Variants in TAFA1 observed in about 807,000 individuals in gnomAD.
TAFA1 encodes the protein TAFA chemokine like family member 1, also known as chemokine-like protein TAFA-1.
TAFA1 carries 4 observed loss-of-function variants against 18.5 expected under a neutral mutation model. The observed-to-expected ratio is 0.22, with a 90% confidence interval of 0.11 to 0.49. The LOEUF is 0.49. TAFA1 is among the 20% of genes least tolerant of loss of function. The pLI, the probability that TAFA1 is intolerant of heterozygous loss-of-function variation, is 0.98. For missense variants in TAFA1, 147 were observed against 169.0 expected (o/e 0.87, Z 0.72); for synonymous variants, 56 against 55.2 (o/e 1.01, Z -0.06).
chr3:68,292,709 T>C (rs1269101224), intron 2 of TAFA1, among the ~76,000 whole-genome samples: 1 of 152,070 alleles, frequency 6.6e-6, no homozygotes, highest in Non-Finnish European at 1.5e-5. Flanking sequence ...TTTGTTTTGT[T>C]TTGTTTTAAC....
At chr3:68,322,618 G>T (rs2068712511) in intron 2 of TAFA1, among the ~76,000 whole-genome samples, 1 of 152,098 alleles carries the variant, frequency 6.6e-6, no homozygotes, top group African/African-American at 2.4e-5. Flanking sequence ...AATTGCCTGA[G>T]CCCAGGAGTT....
chr3:68,309,406 C>T (rs966476373), intron 2 of TAFA1, among the ~76,000 whole-genome samples: 4 of 152,068 alleles, frequency 2.6e-5, no homozygotes, highest in African/African-American at 9.7e-5. Context: ...AGGTATTATA[C>T]CTCTTACCTC....
chr3:68,361,284 A>T (rs1205531294), intron 2 of TAFA1, among the ~76,000 whole-genome samples: 1 of 152,066 alleles, frequency 6.6e-6, no homozygotes, highest in Non-Finnish European at 1.5e-5. Context: ...GGTAGGAGCT[A>T]AAAAAATTGA....
chr3:68,228,141 C>T (rs1303616458), intron 2 of TAFA1, among the ~76,000 whole-genome samples: 1 of 152,182 alleles, frequency 6.6e-6, no homozygotes, highest in Non-Finnish European at 1.5e-5. Context: ...ATTGAGTTAT[C>T]ATGAAGAGTA....
chr3:68,442,681 A>G (rs2071406163), intron 3 of TAFA1, among the ~76,000 whole-genome samples: 1 of 152,170 alleles, frequency 6.6e-6, no homozygotes. Flanking sequence ...TACAAAATGT[A>G]TGGGATGCTT....
intron 2 of TAFA1, among the ~76,000 whole-genome samples, chr3:68,315,502 A>G (rs2068592824): frequency 6.6e-6 from 1 of 152,112 alleles, no homozygotes; most frequent in Admixed American, 6.6e-5. Flanking sequence ...AAGATACATT[A>G]CTCGGTTCAC....
In TAFA1 at chr3:68,417,300, A is replaced by G. The variant is rs373497264; in HGVS notation, c.139A>G (p.Ile47Val). 5.0e-6 allele frequency: 8 copies of G among 1,613,202 alleles called. No homozygotes were observed. The highest frequency in any genetic ancestry group is 2.7e-5 in the African/African-American group (2 of 74,856). The stretch of plus-strand genomic sequence containing the variant: ...GCCAGAAGGAGGGACGTGTGAAGTG[A>G]TAGCAGCACACCGATGTTGTAACAA... Reference protein sequence around the residue: ...HRPEGGTCEVIAAHRCCNKNR... With the variant: ...HRPEGGTCEVVAAHRCCNKNR... Residue 47 changes from isoleucine (I) to valine (V), a missense_variant, in exon 3 of 5, where the codon ATA (isoleucine) becomes GTA (valine). Physicochemically the swap from Ile to Val is conservative, Grantham distance 29. Transcript: ENST00000478136.
intron 2 of TAFA1, among the ~76,000 whole-genome samples, chr3:68,049,990 C>T (rs530329066): frequency 6.6e-6 from 1 of 152,156 alleles, no homozygotes; most frequent in South Asian, 2.1e-4. Flanking sequence ...GACTCTGGAG[C>T]TAGATGTCCT....
At chr3:68,329,981 C>G (rs1000141075) in intron 2 of TAFA1, among the ~76,000 whole-genome samples, 17 of 137,270 alleles carry the variant, frequency 1.2e-4, no homozygotes, top group Non-Finnish European at 2.4e-4. Context: ...TACATGCATA[C>G]ACATTGGATA....
intron 2 of TAFA1, among the ~76,000 whole-genome samples, chr3:68,027,224 C>T (rs1290426137): frequency 2.6e-5 from 4 of 152,216 alleles, no homozygotes; most frequent in South Asian, 4.1e-4. Context: ...TTCTCTAAGA[C>T]GTGAGAGGTT....
intron 2 of TAFA1, among the ~76,000 whole-genome samples, chr3:68,360,368 G>A (rs2069447150): frequency 6.6e-6 from 1 of 151,948 alleles, no homozygotes; most frequent in Non-Finnish European, 1.5e-5. Context: ...CCTGGTTACA[G>A]CCATAATATA....
intron 2 of TAFA1, among the ~76,000 whole-genome samples, chr3:68,293,007 T>C (rs1268678714): frequency 1.3e-5 from 2 of 151,466 alleles, no homozygotes; most frequent in Non-Finnish European, 2.9e-5. Context: ...TTCAATCCTG[T>C]ACCTTTTTTA....
chr3:68,033,547 A>G (rs1010639426), intron 2 of TAFA1, among the ~76,000 whole-genome samples: 2 of 152,192 alleles, frequency 1.3e-5, no homozygotes, highest in African/African-American at 4.8e-5. Context: ...TCCAATTTCA[A>G]TGCCTCCTCT....
At position 68,417,380 on chromosome 3, in the gene TAFA1, A is replaced by G. The variant is rs768680307; in HGVS notation, c.219A>G (p.Lys73=). ...TAAAGTGTTCCTGTCTACCTGGAAAAGTGGCTGGAACAACAAGAAACCGGC... is the reference window on the plus strand; with the variant it reads ...TAAAGTGTTCCTGTCTACCTGGAAAGGTGGCTGGAACAACAAGAAACCGGC... ...QTVKCSCLPG[K]VAGTTRNRPS... is the part of the protein sequence containing the mutation. Residue 73 remains lysine (K), a synonymous_variant, in exon 3 of 5, where the codon AAA becomes AAG. Coordinates refer to ENST00000478136, the MANE Select transcript of TAFA1 (RefSeq NM_213609.4). 11 of 1,613,466 alleles carry G rather than the reference A, an allele frequency of 6.8e-6. No homozygotes were observed. The highest frequency in any genetic ancestry group is 2.2e-5 in the East Asian group (1 of 44,820).
intron 2 of TAFA1, among the ~76,000 whole-genome samples, chr3:68,049,928 C>G (rs1474417478): frequency 6.6e-6 from 1 of 152,092 alleles, no homozygotes; most frequent in Admixed American, 6.6e-5. Context: ...CAGTAATACT[C>G]AGATACTCCC....
At chr3:68,400,189 G>A (rs765486828) in intron 2 of TAFA1, among the ~76,000 whole-genome samples, 2 of 152,140 alleles carry the variant, frequency 1.3e-5, no homozygotes, top group African/African-American at 4.8e-5. Flanking sequence ...TGGGGTAGGG[G>A]TGGTCACTCT....
At chr3:68,368,957 A>C (rs760844913) in intron 2 of TAFA1, among the ~76,000 whole-genome samples, 2 of 152,238 alleles carry the variant, frequency 1.3e-5, no homozygotes, top group Non-Finnish European at 2.9e-5. Context: ...GAATTATGAA[A>C]GCATCTGATG....
intron 2 of TAFA1, among the ~76,000 whole-genome samples, chr3:68,026,252 T>C (rs1281535033): frequency 6.6e-6 from 1 of 151,888 alleles, no homozygotes; most frequent in Non-Finnish European, 1.5e-5. Context: ...CACAGACGAA[T>C]CCTTGTGAAG....
At chr3:68,026,322 T>C (rs555632499) in intron 2 of TAFA1, among the ~76,000 whole-genome samples, 1 of 152,120 alleles carries the variant, frequency 6.6e-6, no homozygotes, top group African/African-American at 2.4e-5. Context: ...AGGCTGATAT[T>C]ATGGCCAATG....
Sources: gnomAD v4.1 joint callset for allele counts (sites outside exome capture counted in the v4.1 genomes callset) on GRCh38, gnomAD v4.1.1 for gene constraint, MANE v1.5 for transcripts, NCBI Gene and HGNC (gene_info 2026-07-23, HGNC 2026-07-21) for gene names.